The following TSC22D1 variants were observed in gnomAD, a reference collection of about 807,000 sequenced individuals.
TSC22D1 encodes the protein TSC22 domain family member 1.
In TSC22D1, 9 loss-of-function variants were observed where a neutral mutation model predicts 74.2. The ratio of observed to expected loss-of-function variants is 0.12; its 90% CI spans 0.07 to 0.21. The LOEUF is 0.21. Ranked by LOEUF, TSC22D1 falls within the 10% of genes least tolerant of loss-of-function variation. The probability of loss-of-function intolerance (pLI) is 1.00; values close to 1 mark genes in which losing one functional copy is unlikely to be tolerated. For missense variants in TSC22D1, 1,427 were observed against 1,304.7 expected, an observed-to-expected ratio of 1.09 and a Z score of -1.44; for synonymous variants, 586 against 492.5, an observed-to-expected ratio of 1.19 and a Z score of -2.51.
chr13:44,489,118 A>G (rs1250532889), intron 1 of TSC22D1, among the ~76,000 whole-genome samples: 3 of 152,094 alleles, frequency 2.0e-5, no homozygotes, highest in Admixed American at 6.5e-5. Context: ...ACTGCAAAAA[A>G]AGAGAAAGTC....
chr13:44,541,672 T>C (rs1473404710), intron 1 of TSC22D1, among the ~76,000 whole-genome samples: 1 of 152,130 alleles, frequency 6.6e-6, no homozygotes, highest in East Asian at 1.9e-4. Flanking sequence ...AGGAGGTATA[T>C]GATGGATGAT....
intron 1 of TSC22D1, among the ~76,000 whole-genome samples, chr13:44,458,625 C>A (rs1203467222): frequency 6.6e-6 from 1 of 152,122 alleles, no homozygotes; most frequent in Non-Finnish European, 1.5e-5. Context: ...CCTGGGCATC[C>A]CTGTGCTCTC....
At chr13:44,509,332 A>G (rs1324249343) in intron 1 of TSC22D1, among the ~76,000 whole-genome samples, 1 of 152,296 alleles carries the variant, frequency 6.6e-6, no homozygotes, top group Non-Finnish European at 1.5e-5. Context: ...AATGCCACTG[A>G]ACTGTACATT....
chr13:44,537,681 A>G, intron 1 of TSC22D1: 4 of 984,804 alleles, frequency 4.1e-6, no homozygotes, highest in Non-Finnish European at 4.8e-6. Flanking sequence ...AGCTGTAATC[A>G]CTTATGGGAA....
chr13:44,449,827 T>C (rs771742600), intron 1 of TSC22D1, among the ~76,000 whole-genome samples: 1 of 152,222 alleles, frequency 6.6e-6, no homozygotes, highest in Non-Finnish European at 1.5e-5. Flanking sequence ...GCTAGAAAGA[T>C]ATAAACTAGA....
At chr13:44,562,602 A>G (rs1184808897) in intron 1 of TSC22D1, among the ~76,000 whole-genome samples, 3 of 152,190 alleles carry the variant, frequency 2.0e-5, no homozygotes, top group East Asian at 1.9e-4. Flanking sequence ...CAGGAAAAAA[A>G]TAATTCCTCC....
chr13:44,569,033 T>C (rs1883568410), intron 1 of TSC22D1, among the ~76,000 whole-genome samples: 1 of 152,182 alleles, frequency 6.6e-6, no homozygotes. Context: ...TCATTTTCTA[T>C]CCAGGAAGTT....
chr13:44,556,273 C>T (rs1304824845), intron 1 of TSC22D1, among the ~76,000 whole-genome samples: 1 of 151,016 alleles, frequency 6.6e-6, no homozygotes, highest in Non-Finnish European at 1.5e-5. Flanking sequence ...GGGCCGTGCA[C>T]GGTGACTCAA....
rs1881258699 is a variant in TSC22D1 at position 44,538,110 on chromosome 13, T to C, written c.2912+35053A>G. ...TTATTCCTTCACACCTACAGGCTTATTCTAATACTAAGTGCTTCTGCTCTG... is the reference window on the plus strand; with the variant it reads ...TTATTCCTTCACACCTACAGGCTTACTCTAATACTAAGTGCTTCTGCTCTG... On this transcript the variant is annotated intron_variant, in intron 1 of 2. Transcript: ENST00000458659. 9 of 985,342 alleles carry C rather than the reference T, an allele frequency of 9.1e-6. No individual in the cohort carries two copies. In the African/African-American group the frequency reaches 1.0e-4, roughly 11 times the overall value. The allele number at this position is 985,342 out of a possible 1,614,324, so 61.0% of individuals were successfully genotyped here. A position where few individuals can be genotyped will look rare whatever the true frequency, so the allele number is the denominator to read the frequency against.
rs372528741 is a variant in TSC22D1, at chr13:44,534,984, G to A, written c.2912+38179C>T. ...TCATAAATGCTGAGAGCAGGGGTAGGAAATGCCTTGGAATATTGGAGGCTA... is the reference window on the plus strand; with the variant it reads ...TCATAAATGCTGAGAGCAGGGGTAGAAAATGCCTTGGAATATTGGAGGCTA... On this transcript the variant is annotated intron_variant, in intron 1 of 2. Coordinates refer to ENST00000458659, the MANE Select transcript of TSC22D1 (RefSeq NM_183422.4). 4.6e-5 allele frequency among the ~76,000 whole-genome samples: 7 copies of A among 152,256 alleles called. No homozygotes were observed. In the East Asian group the frequency reaches 7.7e-4, roughly 17 times the overall value.
intron 1 of TSC22D1, among the ~76,000 whole-genome samples, chr13:44,535,725 C>G (rs191772094): frequency 6.6e-6 from 1 of 151,934 alleles, no homozygotes; most frequent in African/African-American, 2.4e-5. Flanking sequence ...ATGGTGAAAC[C>G]ATAAGCCTAT....
At chr13:44,443,982 C>T (rs781064538) in intron 1 of TSC22D1, among the ~76,000 whole-genome samples, 4 of 151,646 alleles carry the variant, frequency 2.6e-5, no homozygotes, top group Non-Finnish European at 5.9e-5. Context: ...AGATTTAAAC[C>T]AACTGTATCA....
At chr13:44,553,774 T>C (rs537213789) in intron 1 of TSC22D1, among the ~76,000 whole-genome samples, 10 of 152,212 alleles carry the variant, frequency 6.6e-5, no homozygotes, top group Non-Finnish European at 1.5e-4. Context: ...AATAATCACA[T>C]ATAATACTGT....
chr13:44,527,922 C>G (rs1880629635), intron 1 of TSC22D1, among the ~76,000 whole-genome samples: 1 of 151,998 alleles, frequency 6.6e-6, no homozygotes, highest in Non-Finnish European at 1.5e-5. Context: ...TCAAAGCAGA[C>G]CTCAGAACAG....
chr13:44,517,003 G>C (rs1271279653), intron 1 of TSC22D1, among the ~76,000 whole-genome samples: 1 of 152,142 alleles, frequency 6.6e-6, no homozygotes, highest in African/African-American at 2.4e-5. Flanking sequence ...TCCTAAAAAA[G>C]CAACCTGGAA....
chr13:44,549,999 T>G (rs1434696603), intron 1 of TSC22D1, among the ~76,000 whole-genome samples: 2 of 152,188 alleles, frequency 1.3e-5, no homozygotes, highest in Admixed American at 6.5e-5. Context: ...TTTCCACAGC[T>G]ATTTCCACTT....
chr13:44,529,209 TA>T (rs946727686), intron 1 of TSC22D1, among the ~76,000 whole-genome samples: 5 of 151,758 alleles, frequency 3.3e-5, no homozygotes, highest in African/African-American at 1.2e-4. Context: ...CAACAATGTA[TA>T]AAAAAAATTC....
chr13:44,510,574 T>C (rs1285696989), intron 1 of TSC22D1, among the ~76,000 whole-genome samples: 1 of 152,154 alleles, frequency 6.6e-6, no homozygotes, highest in Non-Finnish European at 1.5e-5. Context: ...AATAAAGCTC[T>C]GGTACAGCCA....
At chr13:44,549,634 G>A (rs763090182) in intron 1 of TSC22D1, among the ~76,000 whole-genome samples, 5 of 151,856 alleles carry the variant, frequency 3.3e-5, no homozygotes, top group South Asian at 2.1e-4. Context: ...GCATGGTTGC[G>A]CACACCTGTA....
Sources: gnomAD v4.1 joint callset for allele counts (sites outside exome capture counted in the v4.1 genomes callset) on GRCh38, gnomAD v4.1.1 for gene constraint, MANE v1.5 for transcripts, NCBI Gene and HGNC (gene_info 2026-07-23, HGNC 2026-07-21) for gene names.